Variants in DOCK6 observed in about 807,000 individuals in gnomAD.
The protein encoded by DOCK6 is dedicator of cytokinesis 6.
A neutral mutation model predicts 230.3 loss-of-function variants in DOCK6; 167 were observed. The observed-to-expected ratio is 0.73, with a 90% CI of 0.64 to 0.82. The LOEUF is 0.82. DOCK6 is among the 40% of genes least tolerant of loss of function. The probability of loss-of-function intolerance (pLI) is 0.00; values close to 1 mark genes in which losing one functional copy is unlikely to be tolerated. For missense variants in DOCK6, 2,598 were observed against 2,825.8 expected, an observed-to-expected ratio of 0.92 and a Z score of 1.83; for synonymous variants, 1,148 against 1,185.0, an observed-to-expected ratio of 0.97 and a Z score of 0.64.
At chr19:11,219,905 C>G (rs991570024) in intron 28 of DOCK6, among the ~76,000 whole-genome samples, 1 of 151,944 alleles carries the variant, frequency 6.6e-6, no homozygotes, top group Non-Finnish European at 1.5e-5. Flanking sequence ...AGTTACTTGC[C>G]CAGGGTCACA....
chr19:11,207,786 C>T (rs78462486), intron 39 of DOCK6, among the ~76,000 whole-genome samples: 221 of 151,296 alleles, frequency 1.5e-3, no homozygotes, highest in South Asian at 2.5e-3. Context: ...AAAAATTAGC[C>T]GGACATAGTG....
chr19:11,213,147 G>A (rs2147750542), intron 35 of DOCK6, 29 bp downstream of exon 35: 2 of 1,602,356 alleles, frequency 1.2e-6, no homozygotes, highest in Non-Finnish European at 1.7e-6. Context: ...AGAGCCATGT[G>A]TGGACCATGC....
Position 11,200,904 on chromosome 19 carries a change from C to A in DOCK6, c.5832+5G>T, listed in dbSNP as rs181867999. The A allele has an allele frequency of 6.2e-7, 1 of 1,613,866 alleles. No homozygotes were observed. The highest frequency in any genetic ancestry group is 8.5e-7 in the Non-Finnish European group (1 of 1,179,852). On this transcript the variant is annotated splice_donor_5th_base_variant and intron_variant, in intron 45 of 47. Coordinates refer to ENST00000294618, the MANE Select transcript of DOCK6 (RefSeq NM_020812.4). This position sits in a 1 kb window ranked among gnomAD's most constrained non-coding sequence, Gnocchi z 4.3. ...CGGCTTGCATCCCCCTTCCACCAGCCGTGCCTGGTTCACGGTGGGCCCTAC... is the reference window on the plus strand; with the variant it reads ...CGGCTTGCATCCCCCTTCCACCAGCAGTGCCTGGTTCACGGTGGGCCCTAC...
At chr19:11,215,353 T>G in intron 32 of DOCK6, 34 bp downstream of exon 32, 1 of 1,600,744 alleles carries the variant, frequency 6.2e-7, no homozygotes, top group South Asian at 1.1e-5. Context: ...CAAACTGTTC[T>G]GAACTCAGCA....
chr19:11,257,568 C>A (rs1043523587), intron 1 of DOCK6, among the ~76,000 whole-genome samples: 3 of 147,674 alleles, frequency 2.0e-5, no homozygotes, highest in African/African-American at 7.4e-5. Flanking sequence ...GCGGGCAGAT[C>A]ATCTGAGGTC....
intron 1 of DOCK6, among the ~76,000 whole-genome samples, chr19:11,259,881 C>CTTTTTTT (rs1205836383): frequency 0.04 from 2,718 of 67,728 alleles, 496 homozygotes; most frequent in Middle Eastern, 0.071. Context: ...CGCGCCCGGC[C>CTTTTTTT]TTTTTTTTTT....
intron 14 of DOCK6, chr19:11,240,281 A>G (rs1439603703): frequency 6.3e-7 from 1 of 1,581,726 alleles, no homozygotes; most frequent in South Asian, 1.2e-5. Flanking sequence ...CCTACCGAGA[A>G]TTTGAGGTCT....
At chr19:11,210,631 T>A (rs956716626) in intron 37 of DOCK6, among the ~76,000 whole-genome samples, 1 of 144,756 alleles carries the variant, frequency 6.9e-6, no homozygotes, top group African/African-American at 2.6e-5. Context: ...TCCCCTCACC[T>A]GTTCACCCTC....
In DOCK6 at chr19:11,243,114, G is replaced by C. The variant is rs775378324; in HGVS notation, c.1425C>G (p.Phe475Leu). ...ERLSDEDLFKFLADMRRPSSL... is the reference protein window; with the variant it reads ...ERLSDEDLFKLLADMRRPSSL... ...ACGACGGGCGCCTCATGTCAGCCAG[G>C]AACTTGAAGAGGTCCTCGTCACTGA... is the stretch of plus-strand genomic sequence containing the variant. Residue 475 changes from phenylalanine (F) to leucine (L), a missense_variant, in exon 13 of 48, where the codon TTC becomes TTG. Physicochemically the swap from Phe to Leu is conservative, Grantham distance 22. Transcript: ENST00000294618. The surrounding 1 kb of genome is among the most constrained non-coding windows in gnomAD (Gnocchi z 6.3). The C allele has an allele frequency of 1.6e-5, 26 of 1,613,880 alleles. No individual in the cohort carries two copies. Among genetic ancestry groups the C allele is most frequent in the East Asian group, 2.2e-5 (1 of 44,882 alleles).
intron 22 of DOCK6, chr19:11,232,210 G>C: frequency 1.6e-6 from 2 of 1,289,404 alleles, no homozygotes; most frequent in Non-Finnish European, 2.0e-6. Flanking sequence ...CCCACAATAA[G>C]GGGGCGCCCG....
chr19:11,229,230 G>A (rs767192324), intron 22 of DOCK6, 195 bp from the exon 23 acceptor site: 31 of 1,312,748 alleles, frequency 2.4e-5, no homozygotes, highest in Non-Finnish European at 3.1e-5. Context: ...CTGGATGGGG[G>A]AGGAGCACTG....
chr19:11,225,063 CA>C (rs770664295), intron 24 of DOCK6, among the ~76,000 whole-genome samples: 394 of 131,828 alleles, frequency 3.0e-3, no homozygotes, highest in Middle Eastern at 7.6e-3. Flanking sequence ...GACTCCGTCT[CA>C]AAAAAAAAAA....
Position 11,202,160 on chromosome 19 carries a change from C to T in DOCK6, c.5452-35G>A, listed in dbSNP as rs143847158. 241 of 1,601,664 alleles carry T rather than the reference C, an allele frequency of 1.5e-4. No individual in the cohort carries two copies. In the East Asian group the frequency reaches 5.3e-3, roughly 35 times the overall value. On this transcript the variant is annotated intron_variant, in intron 43 of 47. Transcript: ENST00000294618. The surrounding 1 kb of genome is among the most constrained non-coding windows in gnomAD (Gnocchi z 5.3). The stretch of plus-strand genomic sequence containing the variant: ...GGGTCAGGTGTGAGGATCCCACAGC[C>T]CCAGCACGCACAGCCCAAGCCCTGT...
At chr19:11,229,864 AAAAC>A (rs1018620016) in intron 22 of DOCK6, among the ~76,000 whole-genome samples, 2 of 151,746 alleles carry the variant, frequency 1.3e-5, no homozygotes, top group African/African-American at 4.8e-5. Flanking sequence ...TACTAAGACA[AAAAC>A]AAACAAACAA....
chr19:11,239,923 T>C, intron 14 of DOCK6: 1 of 1,584,824 alleles, frequency 6.3e-7, no homozygotes, highest in Non-Finnish European at 8.6e-7. Flanking sequence ...GGCAAGCCTG[T>C]TGGAGACTCA....
rs2079128595 is a variant in DOCK6, at chr19:11,199,426, C to G, written c.*71G>C. ...ACAGCCCAGTGGGCACCAGGGCAGA[C>G]TCCCCTCGCAGCACAGACAGCTGAG... On this transcript the variant is annotated 3_prime_UTR_variant, in exon 48 of 48. Transcript: ENST00000294618. 4.6e-6 allele frequency: 7 copies of G among 1,537,996 alleles called. No homozygotes were observed. The highest frequency in any genetic ancestry group is 6.2e-6 in the Non-Finnish European group (7 of 1,134,456).
intron 24 of DOCK6, among the ~76,000 whole-genome samples, chr19:11,224,655 T>C (rs951707558): frequency 6.6e-6 from 1 of 152,258 alleles, no homozygotes; most frequent in African/African-American, 2.4e-5. Context: ...GCCTAGCAAG[T>C]CCGGGGAACA....
intron 3 of DOCK6, 102 bp downstream of exon 3, chr19:11,252,681 G>C: frequency 1.3e-6 from 2 of 1,595,296 alleles, no homozygotes; most frequent in Non-Finnish European, 1.7e-6. Flanking sequence ...AGCATGGCTT[G>C]TCCAACGTCA....
rs1375176574 is a variant in DOCK6, at chr19:11,201,134, C to T, written c.5689-82G>A. On this transcript the variant is annotated intron_variant, in intron 44 of 47. Coordinates refer to ENST00000294618, the MANE Select transcript of DOCK6 (RefSeq NM_020812.4). The surrounding 1 kb of genome is among the most constrained non-coding windows in gnomAD (Gnocchi z 4.3). ...AGCCAGTCGGGGGCAGCTCAGACCC[C>T]GCTGGGAGTGAGAGGGGTCCAAGAA... 1.2e-5 allele frequency: 18 copies of T among 1,539,042 alleles called. No individual in the cohort carries two copies. Among genetic ancestry groups the T allele is most frequent in the East Asian group, 9.4e-5 (4 of 42,564 alleles).
Sources: gnomAD v4.1 joint callset for allele counts (sites outside exome capture counted in the v4.1 genomes callset) on GRCh38, gnomAD v4.1.1 for gene constraint, Gnocchi (gnomAD v3.1) non-coding constraint, MANE v1.5 for transcripts, NCBI Gene and HGNC (gene_info 2026-07-23, HGNC 2026-07-21) for gene names.